Variants in SOX5 observed in about 807,000 individuals in gnomAD.
The protein encoded by SOX5 is transcription factor SOX-5.
A neutral mutation model predicts 92.0 loss-of-function variants in SOX5; 9 were observed. The ratio of observed to expected loss-of-function variants is 0.10; its 90% confidence interval spans 0.06 to 0.17. The LOEUF (loss-of-function observed/expected upper bound fraction) is 0.17, where lower values mean the gene tolerates loss of function less well. Ranked by LOEUF, SOX5 falls within the 10% of genes least tolerant of loss-of-function variation. SOX5 has a pLI of 1.00. For synonymous variants in SOX5, 344 were observed against 336.3 expected (o/e 1.02, Z -0.25); for missense variants, 642 against 944.5 (o/e 0.68, Z 4.20).
intron 4 of SOX5, among the ~76,000 whole-genome samples, chr12:24,119,525 T>G (rs981619304): frequency 6.6e-6 from 1 of 152,172 alleles, no homozygotes; most frequent in Non-Finnish European, 1.5e-5. Context: ...CCATAATTTA[T>G]GGAGTACCTC....
chr12:24,468,080 C>G lies in SOX5; in HGVS notation c.-251+94249G>C, dbSNP rs1221749694. ...TCATAACAACTGGGAGATGAGGAAG[C>G]AGATTTTACTGGTGTTTAAGAGCTT... On this transcript the variant is annotated intron_variant, in intron 1 of 4. Transcript: ENST00000446891. Among the ~76,000 whole-genome samples the G allele has an allele frequency of 3.3e-5, 5 of 152,290 alleles. No homozygotes were observed. The East Asian group carries it at 9.7e-4, about 29-fold the overall frequency.
At chr12:23,543,076 A>G (rs565225070) in intron 13 of SOX5, 135 bp downstream of exon 13, 25 of 603,336 alleles carry the variant, frequency 4.1e-5, no homozygotes, top group Non-Finnish European at 2.9e-5. Context: ...AGAAGCCTCA[A>G]TGATGATGTT....
intron 1 of SOX5, among the ~76,000 whole-genome samples, chr12:24,376,843 A>T (rs1246028728): frequency 6.6e-6 from 1 of 150,642 alleles, no homozygotes; most frequent in African/African-American, 2.4e-5. Flanking sequence ...AGTAGGGATT[A>T]CAGGTGTGTG....
At chr12:24,077,109 C>T (rs1036099015) in intron 4 of SOX5, among the ~76,000 whole-genome samples, 1 of 152,156 alleles carries the variant, frequency 6.6e-6, no homozygotes, top group African/African-American at 2.4e-5. Flanking sequence ...GCAGATTTAA[C>T]AATCAATATG....
In SOX5 at chr12:24,520,708, G is replaced by A. The variant is rs1055653903; in HGVS notation, c.-251+41621C>T. On this transcript the variant is annotated intron_variant, in intron 1 of 4. Coordinates refer to the SOX5 transcript ENST00000446891. Reference sequence around the variant, plus strand: ...TGAAAAGGCACAGAGTGTCTGAATCGATAGAAAAAAAATCCAGTGATATAC... The same window carrying A: ...TGAAAAGGCACAGAGTGTCTGAATCAATAGAAAAAAAATCCAGTGATATAC... Among the ~76,000 whole-genome samples the A allele has an allele frequency of 3.9e-5, 6 of 151,960 alleles. No individual in the cohort carries two copies. The South Asian group carries it at 6.2e-4, about 16-fold the overall frequency.
At chr12:24,142,074 C>T (rs1314409509) in intron 4 of SOX5, among the ~76,000 whole-genome samples, 1 of 152,032 alleles carries the variant, frequency 6.6e-6, no homozygotes, top group Non-Finnish European at 1.5e-5. Flanking sequence ...TTTTGGAAAA[C>T]AGAAAATTTC....
At chr12:24,374,453 A>C (rs541467581) in intron 1 of SOX5, among the ~76,000 whole-genome samples, 4 of 152,108 alleles carry the variant, frequency 2.6e-5, no homozygotes, top group African/African-American at 9.7e-5. Flanking sequence ...GCCCATGTGC[A>C]GGGAAACTGA....
At chr12:24,208,849 C>T (rs2139643979) in intron 4 of SOX5, among the ~76,000 whole-genome samples, 1 of 152,306 alleles carries the variant, frequency 6.6e-6, no homozygotes, top group African/African-American at 2.4e-5. Context: ...GAAAGTCATT[C>T]ATGCAGCTGA....
At chr12:24,064,918 T>C (rs1317181347) in intron 4 of SOX5, among the ~76,000 whole-genome samples, 1 of 152,212 alleles carries the variant, frequency 6.6e-6, no homozygotes, top group East Asian at 1.9e-4. Context: ...ACACAGGCTA[T>C]CAGCCAAAGA....
intron 4 of SOX5, among the ~76,000 whole-genome samples, chr12:24,147,401 T>G (rs1306746569): frequency 6.6e-6 from 1 of 152,120 alleles, no homozygotes; most frequent in Non-Finnish European, 1.5e-5. Flanking sequence ...AAATTTTCAG[T>G]GTACTAGGTA....
chr12:24,075,848 T>G (rs1002759975), intron 4 of SOX5, among the ~76,000 whole-genome samples: 40 of 152,146 alleles, frequency 2.6e-4, no homozygotes, highest in African/African-American at 9.4e-4. Flanking sequence ...ACACATAATG[T>G]AATGCAAAGG....
At chr12:24,028,465 C>T (rs2136801065) in intron 4 of SOX5, among the ~76,000 whole-genome samples, 1 of 151,918 alleles carries the variant, frequency 6.6e-6, no homozygotes, top group South Asian at 2.1e-4. Context: ...AACAGAAAAC[C>T]ATATATTGAT....
At chr12:24,250,295 T>C (rs1939770891) in intron 3 of SOX5, among the ~76,000 whole-genome samples, 1 of 152,234 alleles carries the variant, frequency 6.6e-6, no homozygotes, top group African/African-American at 2.4e-5. Context: ...TTTTATATCA[T>C]TGCTGTATTT....
chr12:24,080,353 T>C (rs1167476438), intron 4 of SOX5, among the ~76,000 whole-genome samples: 1 of 151,990 alleles, frequency 6.6e-6, no homozygotes, highest in African/African-American at 2.4e-5. Context: ...AAATAAATGT[T>C]GAATATCAAA....
chr12:24,452,674 G>C (rs1202668984), intron 1 of SOX5, among the ~76,000 whole-genome samples: 1 of 152,092 alleles, frequency 6.6e-6, no homozygotes, highest in African/African-American at 2.4e-5. Flanking sequence ...GAAATTGATG[G>C]GTTAGAGGGC....
intron 1 of SOX5, among the ~76,000 whole-genome samples, chr12:24,406,185 C>T (rs1039655017): frequency 6.6e-6 from 1 of 152,068 alleles, no homozygotes; most frequent in Non-Finnish European, 1.5e-5. Context: ...AGAGAGCCAG[C>T]CTGAAGCCCA....
At chr12:24,191,404 G>A (rs954393758) in intron 4 of SOX5, among the ~76,000 whole-genome samples, 2 of 152,180 alleles carry the variant, frequency 1.3e-5, no homozygotes, top group Non-Finnish European at 2.9e-5. Context: ...GGGAGAGTCT[G>A]CTGCTTGTGC....
chr12:24,464,426 C>CGCCTCCCGGGTTCACGCT (rs1225751580), intron 1 of SOX5, among the ~76,000 whole-genome samples: 1 of 151,890 alleles, frequency 6.6e-6, no homozygotes, highest in African/African-American at 2.4e-5. Flanking sequence ...GGGTTCACGC[C>CGCCTCCCGGGTTCACGCT]GCCTCCCGGG....
At chr12:23,570,265 T>A (rs1644082565) in intron 10 of SOX5, among the ~76,000 whole-genome samples, 1 of 152,204 alleles carries the variant, frequency 6.6e-6, no homozygotes, top group Non-Finnish European at 1.5e-5. Context: ...GTAGACAATT[T>A]TTTTATCTGT....
Sources: allele counts gnomAD v4.1 joint callset (sites outside exome capture counted in the v4.1 genomes callset), GRCh38; gene constraint gnomAD v4.1.1; transcripts MANE v1.5; gene names NCBI Gene and HGNC (gene_info 2026-07-23, HGNC 2026-07-21).